Variants in KLC1 observed in about 807,000 individuals in gnomAD.
The protein encoded by KLC1 is kinesin 2 60/70kDa.
In KLC1, 30 loss-of-function variants were observed where a neutral mutation model predicts 84.2. The observed-to-expected ratio is 0.36, with a 90% CI of 0.27 to 0.48. The LOEUF (loss-of-function observed/expected upper bound fraction) is 0.48, where lower values mean the gene tolerates loss of function less well. Among genes scored for constraint, KLC1 ranks in the 20% least tolerant of loss-of-function variants. KLC1 has a pLI of 0.99. For missense variants in KLC1, 499 were observed against 805.4 expected, an observed-to-expected ratio of 0.62 and a Z score of 4.60; for synonymous variants, 289 against 293.3, an observed-to-expected ratio of 0.99 and a Z score of 0.15.
intron 3 of KLC1, among the ~76,000 whole-genome samples, chr14:103,658,540 G>T (rs2151531871): frequency 6.6e-6 from 1 of 150,408 alleles, no homozygotes; most frequent in East Asian, 2.0e-4. Context: ...CTCCCAAAGT[G>T]CTGGTATTCC....
intron 5 of KLC1, among the ~76,000 whole-genome samples, chr14:103,663,282 G>A (rs1455624107): frequency 2.6e-5 from 4 of 151,866 alleles, no homozygotes; most frequent in African/African-American, 4.8e-5. Context: ...GGGTTTCATC[G>A]TGTTAACCAG....
chr14:103,653,218 AC>A lies in KLC1; in HGVS notation c.-1-1345del, dbSNP rs2078597026. On this transcript the variant is annotated intron_variant, in intron 1 of 16. Transcript: ENST00000334553. ...GAGTGCAGAGGTACCATCATAGCTG[AC>A]TGTCACCTCAAATTCCTGGACTCAA... 2.6e-5 allele frequency among the ~76,000 whole-genome samples: 4 copies of A among 152,266 alleles called. No homozygotes were observed. The South Asian group carries it at 6.2e-4, about 24-fold the overall frequency.
chr14:103,638,519 GT>G (rs535856533), intron 1 of KLC1, among the ~76,000 whole-genome samples: 42 of 144,070 alleles, frequency 2.9e-4, no homozygotes, highest in Admixed American at 3.5e-4. Flanking sequence ...AGTGCTTGGT[GT>G]TTTTTTTTTT....
intron 13 of KLC1, chr14:103,685,367 G>T: frequency 8.2e-7 from 1 of 1,224,052 alleles, no homozygotes. Flanking sequence ...CTAATACGTT[G>T]CCAATCTTTA....
At chr14:103,696,092 GCCCCCGCCC>G (rs66497836) in intron 15 of KLC1, 1 of 761,610 alleles carries the variant, frequency 1.3e-6, no homozygotes, top group Non-Finnish European at 1.5e-6. Flanking sequence ...TAATCACTGC[GCCCCCGCCC>G]CCCGCCCCCC....
At chr14:103,674,941 T>A (rs1227141259) in intron 9 of KLC1, among the ~76,000 whole-genome samples, 1 of 152,198 alleles carries the variant, frequency 6.6e-6, no homozygotes, top group Non-Finnish European at 1.5e-5. Flanking sequence ...TACCTGTTGC[T>A]TGGTGTCCAG....
At chr14:103,686,281 C>T (rs1362225823) in intron 13 of KLC1, 68 of 939,574 alleles carry the variant, frequency 7.2e-5, no homozygotes, top group Non-Finnish European at 8.2e-5. Context: ...ATCCATGAAA[C>T]GCCGCATGGC....
intron 13 of KLC1, chr14:103,684,717 T>G: frequency 2.3e-6 from 1 of 429,260 alleles, no homozygotes. Flanking sequence ...TGAGCGTGTG[T>G]GCACGCGTGT....
At chr14:103,643,757 G>A (rs553248401) in intron 1 of KLC1, among the ~76,000 whole-genome samples, 4 of 151,866 alleles carry the variant, frequency 2.6e-5, no homozygotes, top group South Asian at 2.1e-4. Context: ...GTGAAACTCC[G>A]TCTCTACTAA....
At position 103,631,084 on chromosome 14, in the gene KLC1, A is replaced by AT. The variant is rs370301801; in HGVS notation, c.-2+1604dup. Reference sequence around the variant, plus strand: ...TAACTGCAGTCGTTTAAACTTACACATTTTTTTTTTTTTTGAGATGGAGTC... The same window carrying AT: ...TAACTGCAGTCGTTTAAACTTACACATTTTTTTTTTTTTTTGAGATGGAGTC... On this transcript the variant is annotated intron_variant, in intron 1 of 16. Coordinates refer to ENST00000334553, the MANE Select transcript of KLC1 (RefSeq NM_001394837.1). Among the ~76,000 whole-genome samples, 634 of 143,816 alleles carry AT rather than the reference A, an allele frequency of 4.4e-3. 2 individuals are homozygous for AT. The highest frequency in any genetic ancestry group is 0.011 in the African/African-American group (435 of 39,424). 94.3% of individuals were successfully genotyped at this position (143,816 alleles called of 152,430 possible). A position where few individuals can be genotyped will look rare whatever the true frequency, so the allele number is the denominator to read the frequency against.
rs757127734 is a variant in KLC1 at position 103,679,420 on chromosome 14, G to GTGC, written c.1527_1529dup (p.Leu510dup). ...TGTTCACAAACAGAGGGTGGCAGAA[G>GTGC]TGCTCAATGACCCTGAGAACATGGA... On this transcript the variant is annotated inframe_insertion, in exon 13 of 17. Transcript: ENST00000334553. 8 of 1,614,052 alleles carry GTGC rather than the reference G, an allele frequency of 5.0e-6. 1 individual carries two copies. In the South Asian group the frequency reaches 8.8e-5, roughly 18 times the overall value.
chr14:103,654,664 G>T lies in KLC1; in HGVS notation c.100G>T (p.Gly34Trp). 2 of 1,614,146 alleles carry T rather than the reference G, an allele frequency of 1.2e-6. No homozygotes were observed. The highest frequency in any genetic ancestry group is 1.7e-6 in the Non-Finnish European group (2 of 1,180,026). Residue 34 changes from glycine to tryptophan, a missense_variant, in exon 2 of 17, where the codon GGG (glycine) becomes TGG (tryptophan). By Grantham distance (184) the Gly-to-Trp change is radical (BLOSUM62 -2). Transcript: ENST00000334553. ...IISKTKQVIQ[G>W]LEALKNEHNS... is the part of the protein sequence containing the mutation. Reference sequence around the variant, plus strand: ...TTCTAAGACAAAGCAAGTAATTCAGGGGCTGGAAGCTTTGAAGAATGAGCA... The same window carrying T: ...TTCTAAGACAAAGCAAGTAATTCAGTGGCTGGAAGCTTTGAAGAATGAGCA...
chr14:103,662,091 GTGT>G (rs758339818), intron 3 of KLC1, 22 bp from the exon 4 acceptor site: 65 of 1,546,386 alleles, frequency 4.2e-5, no homozygotes, highest in Middle Eastern at 3.4e-4. Flanking sequence ...GTAAGATGAA[GTGT>G]TGTCCTGGGT....
intron 1 of KLC1, among the ~76,000 whole-genome samples, chr14:103,647,704 C>T (rs1477271760): frequency 6.6e-6 from 1 of 151,524 alleles, no homozygotes; most frequent in Non-Finnish European, 1.5e-5. Context: ...GGTAAAACCC[C>T]ATCTCTACTA....
intron 14 of KLC1, among the ~76,000 whole-genome samples, chr14:103,689,570 TCAGA>T (rs1440399293): frequency 2.0e-5 from 3 of 152,234 alleles, no homozygotes; most frequent in Admixed American, 6.5e-5. Context: ...GAGGGTTTGT[TCAGA>T]CAGAGACTGT....
chr14:103,688,724 C>G (rs2081931640), intron 14 of KLC1, among the ~76,000 whole-genome samples: 1 of 152,140 alleles, frequency 6.6e-6, no homozygotes, highest in South Asian at 2.1e-4. Flanking sequence ...TTGTAAGGAG[C>G]TTCTCACAAC....
chr14:103,666,716 G>A (rs796564905), intron 5 of KLC1, among the ~76,000 whole-genome samples: 61 of 149,160 alleles, frequency 4.1e-4, no homozygotes, highest in South Asian at 2.6e-3. Context: ...CACCCACCCC[G>A]GCCTCCCAAA....
chr14:103,663,433 CCGTGACCACTCAGTTCAGCT>C (rs1194363277), intron 5 of KLC1, among the ~76,000 whole-genome samples: 1 of 152,128 alleles, frequency 6.6e-6, no homozygotes, highest in Non-Finnish European at 1.5e-5. Flanking sequence ...CAGATGCTGC[CCGTGACCACTCAGTTCAGCT>C]TGTTTAGAAT....
chr14:103,664,939 GT>G (rs138981922), intron 5 of KLC1, among the ~76,000 whole-genome samples: 1,741 of 147,632 alleles, frequency 0.012, 40 homozygotes, highest in African/African-American at 0.041. Flanking sequence ...GGTTTTTGTT[GT>G]GCACAGCGTG....
Sources: allele counts gnomAD v4.1 joint callset (sites outside exome capture counted in the v4.1 genomes callset), GRCh38; gene constraint gnomAD v4.1.1; transcripts MANE v1.5; gene names NCBI Gene and HGNC (gene_info 2026-07-23, HGNC 2026-07-21).